Variants in LIN54 observed in about 807,000 individuals in gnomAD.
LIN54 encodes the protein protein lin-54 homolog.
A neutral mutation model predicts 78.7 loss-of-function variants in LIN54; 9 were observed. That is an observed-to-expected ratio of 0.11 (90% CI 0.07 to 0.20). The LOEUF (loss-of-function observed/expected upper bound fraction) is 0.20, where lower values mean the gene tolerates loss of function less well. LIN54 is among the 10% of genes least tolerant of loss of function. The pLI, the probability that LIN54 is intolerant of heterozygous loss-of-function variation, is 1.00. For missense variants in LIN54, 573 were observed against 889.9 expected, an observed-to-expected ratio of 0.64 and a Z score of 4.53; for synonymous variants, 269 against 318.4, an observed-to-expected ratio of 0.84 and a Z score of 1.65.
chr4:82,941,534 A>G (rs959445513), intron 5 of LIN54, among the ~76,000 whole-genome samples: 1 of 152,244 alleles, frequency 6.6e-6, no homozygotes, highest in Non-Finnish European at 1.5e-5. Flanking sequence ...TACAGAAATT[A>G]TATTGAAATA....
At chr4:82,947,236 T>TATATATATATATA (rs1553949048) in intron 4 of LIN54, among the ~76,000 whole-genome samples, 1 of 4,472 alleles carries the variant, frequency 2.2e-4, no homozygotes, top group African/African-American at 4.0e-4. Flanking sequence ...TATATATATA[T>TATATATATATATA]TTTTTTTTTT....
chr4:82,936,191 G>T, intron 10 of LIN54, 73 bp from the exon 11 acceptor site: 2 of 1,566,014 alleles, frequency 1.3e-6, no homozygotes, highest in South Asian at 1.1e-5. Context: ...AAAAGGAATT[G>T]ATAACGTTTC....
At position 82,937,947 on chromosome 4, in the gene LIN54, A is replaced by G. The variant is rs1722522727; in HGVS notation, c.1532+466T>C. 2.0e-5 allele frequency among the ~76,000 whole-genome samples: 3 copies of G among 152,166 alleles called. 1 individual carries two copies. The highest frequency in any genetic ancestry group is 2.0e-4 in the Admixed American group (3 of 15,272). The stretch of plus-strand genomic sequence containing the variant: ...GGAGGTGGAGATTAGCCTGGGCAAT[A>G]TAGTGAGACCGCATCTCTACAAAAA... On this transcript the variant is annotated intron_variant, in intron 8 of 12. Coordinates refer to ENST00000340417, the MANE Select transcript of LIN54 (RefSeq NM_194282.4).
intron 5 of LIN54, among the ~76,000 whole-genome samples, chr4:82,945,953 G>A (rs954994246): frequency 1.1e-4 from 16 of 152,120 alleles, no homozygotes; most frequent in Admixed American, 7.9e-4. Context: ...ACATAATACG[G>A]TTCCATCTAA....
At chr4:82,969,142 C>T (rs908017242) in intron 4 of LIN54, among the ~76,000 whole-genome samples, 1 of 152,156 alleles carries the variant, frequency 6.6e-6, no homozygotes, top group Non-Finnish European at 1.5e-5. Flanking sequence ...TCCTGAAAGA[C>T]CACACTTTTA....
intron 2 of LIN54, among the ~76,000 whole-genome samples, chr4:82,983,070 C>CG (rs1483035629): frequency 1.3e-5 from 2 of 149,328 alleles, no homozygotes; most frequent in Non-Finnish European, 3.0e-5. Flanking sequence ...TGCAATGGCG[C>CG]GATCTCGGCT....
intron 4 of LIN54, among the ~76,000 whole-genome samples, chr4:82,949,436 G>A (rs1179882971): frequency 2.6e-5 from 4 of 151,902 alleles, no homozygotes; most frequent in African/African-American, 7.3e-5. Flanking sequence ...TCACTCGGTT[G>A]CCCAAGCTAG....
chr4:82,975,690 C>A (rs1726106920), intron 3 of LIN54, among the ~76,000 whole-genome samples: 1 of 148,624 alleles, frequency 6.7e-6, no homozygotes, highest in African/African-American at 2.5e-5. Flanking sequence ...CCAGCCTGGG[C>A]AAAAAGAGCG....
chr4:82,950,801 G>C (rs1379564752), intron 4 of LIN54, among the ~76,000 whole-genome samples: 1 of 151,992 alleles, frequency 6.6e-6, no homozygotes, highest in African/African-American at 2.4e-5. Flanking sequence ...TGGATCATTA[G>C]TTTCCTATTA....
intron 11 of LIN54, among the ~76,000 whole-genome samples, chr4:82,934,411 CA>C (rs1201963743): frequency 6.6e-6 from 1 of 151,984 alleles, no homozygotes; most frequent in Non-Finnish European, 1.5e-5. Context: ...GTCTCAAAAA[CA>C]AAATAACAAC....
In LIN54 at chr4:82,994,643, G is replaced by A. The variant is rs113278800; in HGVS notation, c.-32-9767C>T. On this transcript the variant is annotated intron_variant, in intron 1 of 12. Coordinates refer to ENST00000340417, the MANE Select transcript of LIN54 (RefSeq NM_194282.4). ...TCGAACTCCTGACCTTAGGCAATCCGCCCTCCTTGGCCTCCCGAAGTGCTG... is the reference window on the plus strand; with the variant it reads ...TCGAACTCCTGACCTTAGGCAATCCACCCTCCTTGGCCTCCCGAAGTGCTG... Among the ~76,000 whole-genome samples the A allele has an allele frequency of 5.2e-3, 787 of 151,942 alleles. 17 individuals carry two copies. The highest frequency in any genetic ancestry group is 0.018 in the African/African-American group (743 of 41,464).
intron 4 of LIN54, among the ~76,000 whole-genome samples, chr4:82,967,404 G>A (rs139764881): frequency 6.6e-6 from 1 of 152,126 alleles, no homozygotes; most frequent in Non-Finnish European, 1.5e-5. Context: ...CTGCAAGAAA[G>A]AAGATGGCTG....
Position 82,928,112 on chromosome 4 carries a change from A to AAT in LIN54, c.2239_2240insAT (p.Met747AsnfsTer2). 1 of 1,614,086 alleles carries AAT rather than the reference A, an allele frequency of 6.2e-7. No individual in the cohort carries two copies. On this transcript the variant is annotated frameshift_variant, in exon 13 of 13. Coordinates refer to ENST00000340417, the MANE Select transcript of LIN54 (RefSeq NM_194282.4). LOFTEE classifies it high-confidence loss of function. Reference sequence around the variant, plus strand: ...TCTTTTGTGCAAGAGTTAGCAATTCATGGCACAAGGGTCACTTTTTGCCTT... The same window carrying AAT: ...TCTTTTGTGCAAGAGTTAGCAATTCAATTGGCACAAGGGTCACTTTTTGCCTT...
At chr4:82,970,236 T>C (rs1725530046) in intron 4 of LIN54, 91 bp downstream of exon 4, 3 of 1,154,704 alleles carry the variant, frequency 2.6e-6, no homozygotes, top group Non-Finnish European at 3.7e-6. Context: ...TGCTTGGGAA[T>C]GTACTAAAAT....
chr4:82,955,369 A>ATAACATAAC (rs1724202895), intron 4 of LIN54, among the ~76,000 whole-genome samples: 2 of 138,292 alleles, frequency 1.4e-5, no homozygotes, highest in South Asian at 2.4e-4. Context: ...ATCTCAAAAA[A>ATAACATAAC]ATAACATAAC....
chr4:82,940,466 C>T (rs1423093973), intron 5 of LIN54, among the ~76,000 whole-genome samples: 1 of 152,108 alleles, frequency 6.6e-6, no homozygotes. Context: ...AATCTCAGCT[C>T]ACTGCAACCT....
intron 4 of LIN54, among the ~76,000 whole-genome samples, chr4:82,966,301 T>C (rs1725195822): frequency 6.6e-6 from 1 of 152,126 alleles, no homozygotes; most frequent in African/African-American, 2.4e-5. Flanking sequence ...TATATTCTAG[T>C]ATGAGATAGG....
chr4:83,007,458 T>C (rs1438588481), intron 1 of LIN54, among the ~76,000 whole-genome samples: 1 of 152,238 alleles, frequency 6.6e-6, no homozygotes, highest in Non-Finnish European at 1.5e-5. Context: ...AAGTCAATAA[T>C]AACATCTCTG....
At chr4:82,991,790 T>G (rs1184857740) in intron 1 of LIN54, among the ~76,000 whole-genome samples, 5 of 152,150 alleles carry the variant, frequency 3.3e-5, no homozygotes, top group Non-Finnish European at 7.4e-5. Flanking sequence ...TTATATTAAT[T>G]TTTGATTAAA....
Sources: allele counts gnomAD v4.1 joint callset (sites outside exome capture counted in the v4.1 genomes callset), GRCh38; gene constraint gnomAD v4.1.1; transcripts MANE v1.5; gene names NCBI Gene and HGNC (gene_info 2026-07-23, HGNC 2026-07-21).